KHDRBS2: variants seen among roughly 807,000 people sequenced by gnomAD.
KHDRBS2 encodes KH RNA binding domain containing, signal transduction associated 2.
Under a neutral mutation model 44.3 loss-of-function variants are expected in KHDRBS2, and 26 were observed. That is an observed-to-expected ratio of 0.59 (90% CI 0.43 to 0.81). KHDRBS2 has a LOEUF of 0.81. Among genes scored for constraint, KHDRBS2 ranks in the 40% least tolerant of loss-of-function variants. The pLI is 0.00. For missense variants in KHDRBS2, 476 were observed against 433.1 expected (o/e 1.10, Z -0.88); for synonymous variants, 194 against 151.1 (o/e 1.28, Z -2.08).
At chr6:61,870,455 G>A (rs867885179) in intron 6 of KHDRBS2, among the ~76,000 whole-genome samples, 1 of 152,186 alleles carries the variant, frequency 6.6e-6, no homozygotes, top group African/African-American at 2.4e-5. Context: ...AGGAGCGGCT[G>A]TGGGTGCAGC....
the KHDRBS2 span, among the ~76,000 whole-genome samples, chr6:61,638,486 C>T: frequency 2.0e-5 from 3 of 152,136 alleles, no homozygotes; most frequent in Non-Finnish European, 2.9e-5. Context: ...CCCTTCCTTA[C>T]ACCTTATACA....
rs146307748 is a variant in KHDRBS2 at position 62,072,414 on chromosome 6, C to G, written c.220-24420G>C. Among the ~76,000 whole-genome samples, 443 of 152,170 alleles carry G rather than the reference C, an allele frequency of 2.9e-3. 4 individuals carry two copies. Among genetic ancestry groups the G allele is most frequent in the African/African-American group, 9.8e-3 (406 of 41,552 alleles). ...AGTGGTGAGAGGGCATCCCTGTCTTCTGCCAGTTTTCAAAGGGAATGTTTC... is the reference window on the plus strand; with the variant it reads ...AGTGGTGAGAGGGCATCCCTGTCTTGTGCCAGTTTTCAAAGGGAATGTTTC... On this transcript the variant is annotated intron_variant, in intron 2 of 8. Transcript: ENST00000281156.
the KHDRBS2 span, among the ~76,000 whole-genome samples, chr6:61,622,521 TG>T: frequency 2.0e-5 from 3 of 152,212 alleles, no homozygotes; most frequent in African/African-American, 7.2e-5. Flanking sequence ...AATGTAAGTC[TG>T]AATATGCAAA....
Position 61,736,000 on chromosome 6 carries a change from GTTTCT to G in KHDRBS2, c.811-3241_811-3237del, listed in dbSNP as rs551225952. On this transcript the variant is annotated intron_variant, in intron 6 of 8. Coordinates refer to ENST00000281156, the MANE Select transcript of KHDRBS2 (RefSeq NM_152688.4). ...CAGAATGCAATGCCTTTGTGTGTGT[GTTTCT>G]TTTCATTCATTGTGTTGGGTGCTCA... Among the ~76,000 whole-genome samples, 292 of 151,542 alleles carry G rather than the reference GTTTCT, an allele frequency of 1.9e-3. 1 individual carries two copies. The highest frequency in any genetic ancestry group is 6.7e-3 in the African/African-American group (278 of 41,342).
Position 62,067,053 on chromosome 6 carries a change from CA to C in KHDRBS2, c.220-19060del, listed in dbSNP as rs1562775493. On this transcript the variant is annotated intron_variant, in intron 2 of 8. Coordinates refer to ENST00000281156, the MANE Select transcript of KHDRBS2 (RefSeq NM_152688.4). ...AATTTTAACTTAATATTTTAAGGAA[CA>C]ACAGCAAACTGTTTAGTATCTCATT... Among the ~76,000 whole-genome samples the C allele has an allele frequency of 2.0e-5, 3 of 151,396 alleles. No homozygotes were observed. In the South Asian group the frequency reaches 6.2e-4, roughly 31 times the overall value.
chr6:61,663,760 T>C, the KHDRBS2 span, among the ~76,000 whole-genome samples: 18 of 151,438 alleles, frequency 1.2e-4, no homozygotes, highest in African/African-American at 4.3e-4. Flanking sequence ...AATGTTTATG[T>C]GCTACTTTTA....
At chr6:61,655,291 T>A in the KHDRBS2 span, among the ~76,000 whole-genome samples, 1 of 151,712 alleles carries the variant, frequency 6.6e-6, no homozygotes, top group African/African-American at 2.4e-5. Context: ...AGTTTTGCAC[T>A]GTCGCCCAGA....
chr6:61,759,568 CA>C (rs1480616457), intron 6 of KHDRBS2, among the ~76,000 whole-genome samples: 3 of 151,896 alleles, frequency 2.0e-5, no homozygotes, highest in Non-Finnish European at 4.4e-5. Flanking sequence ...TGTTAGGTTT[CA>C]GGGGTACCCC....
intron 3 of KHDRBS2, among the ~76,000 whole-genome samples, chr6:62,023,433 C>A (rs1459217234): frequency 1.3e-5 from 2 of 151,558 alleles, no homozygotes; most frequent in African/African-American, 4.8e-5. Context: ...GACAATTTTG[C>A]TTTCTAGCCC....
chr6:61,732,760 T>C lies in KHDRBS2; in HGVS notation c.815A>G (p.Tyr272Cys). ...PAHEAYEEYGYDDGYGGEYDD... is the reference protein window; with the variant it reads ...PAHEAYEEYGCDDGYGGEYDD... ...ATATTCACCCCCGTAGCCATCATCA[T>C]AACCCTGAGACAAAAAAATGGTAGA... The change falls in exon 7 of 9, where the codon TAT (tyrosine) becomes TGT (cysteine). Residue 272 changes from tyrosine to cysteine, a missense_variant. Tyr to Cys is a radical substitution (Grantham distance 194, BLOSUM62 -2). Coordinates refer to ENST00000281156, the MANE Select transcript of KHDRBS2 (RefSeq NM_152688.4). 1 of 1,593,442 alleles carries C rather than the reference T, an allele frequency of 6.3e-7. No individual in the cohort carries two copies. The highest frequency in any genetic ancestry group is 8.6e-7 in the Non-Finnish European group (1 of 1,161,428).
chr6:61,774,001 A>G (rs1781486829), intron 6 of KHDRBS2, among the ~76,000 whole-genome samples: 1 of 152,166 alleles, frequency 6.6e-6, no homozygotes, highest in African/African-American at 2.4e-5. Context: ...CCATTGATCT[A>G]TATATCTGTT....
intron 2 of KHDRBS2, among the ~76,000 whole-genome samples, chr6:62,147,917 A>T (rs919750470): frequency 3.9e-5 from 6 of 152,072 alleles, no homozygotes; most frequent in Non-Finnish European, 8.8e-5. Context: ...CAAAGCTCTT[A>T]GAAGTTTTAT....
At chr6:61,624,617 G>A in the KHDRBS2 span, among the ~76,000 whole-genome samples, 1 of 152,078 alleles carries the variant, frequency 6.6e-6, no homozygotes, top group African/African-American at 2.4e-5. Context: ...TACAAAATTG[G>A]GCTACTGATT....
At chr6:62,045,211 T>A (rs539409780) in intron 3 of KHDRBS2, among the ~76,000 whole-genome samples, 1 of 151,974 alleles carries the variant, frequency 6.6e-6, no homozygotes, top group African/African-American at 2.4e-5. Context: ...TTTCCAGGAG[T>A]TTTACTATAA....
At chr6:62,070,221 C>T (rs189489334) in intron 2 of KHDRBS2, among the ~76,000 whole-genome samples, 3 of 151,648 alleles carry the variant, frequency 2.0e-5, no homozygotes, top group Admixed American at 1.3e-4. Flanking sequence ...TTGATGAAGA[C>T]TTACACGTAT....
At chr6:61,704,872 T>C (rs1183132705) in intron 7 of KHDRBS2, among the ~76,000 whole-genome samples, 1 of 151,934 alleles carries the variant, frequency 6.6e-6, no homozygotes, top group South Asian at 2.1e-4. Flanking sequence ...ATTTCCTTTA[T>C]ATCCATGAAC....
chr6:62,194,480 C>CTTTTTTTTTTTTTTTTTTTTTT lies in KHDRBS2; in HGVS notation c.92-17190_92-17169dup, dbSNP rs70996208. ...CACTTTCTTTTCTTTTCTTTTCTTC[C>CTTTTTTTTTTTTTTTTTTTTTT]TTTTTTTTTTTTTTTTTTTTTTTTT... On this transcript the variant is annotated intron_variant, in intron 1 of 8. Coordinates refer to ENST00000281156, the MANE Select transcript of KHDRBS2 (RefSeq NM_152688.4). Among the ~76,000 whole-genome samples, 19 of 69,772 alleles carry CTTTTTTTTTTTTTTTTTTTTTT rather than the reference C, an allele frequency of 2.7e-4. 5 individuals are homozygous for CTTTTTTTTTTTTTTTTTTTTTT. The highest frequency in any genetic ancestry group is 4.5e-4 in the Non-Finnish European group (18 of 39,780). 45.8% of individuals were successfully genotyped at this position (69,772 alleles called of 152,430 possible).
chr6:62,096,044 C>G (rs757045382), intron 2 of KHDRBS2, among the ~76,000 whole-genome samples: 48 of 151,954 alleles, frequency 3.2e-4, no homozygotes, highest in African/African-American at 1.2e-3. Flanking sequence ...TATATTGAAC[C>G]ATACGTATCC....
At chr6:61,558,062 T>C in the KHDRBS2 span, among the ~76,000 whole-genome samples, 2 of 151,936 alleles carry the variant, frequency 1.3e-5, no homozygotes, top group South Asian at 2.1e-4. Flanking sequence ...ATTTTTAATC[T>C]TTTTTTTAAA....
Sources: allele counts gnomAD v4.1 joint callset (sites outside exome capture counted in the v4.1 genomes callset), GRCh38; gene constraint gnomAD v4.1.1; transcripts MANE v1.5; gene names NCBI Gene and HGNC (gene_info 2026-07-23, HGNC 2026-07-21).